MAP7: variants seen among roughly 807,000 people sequenced by gnomAD.
The protein encoded by MAP7 is microtubule associated protein 7.
A neutral mutation model predicts 94.8 loss-of-function variants in MAP7; 52 were observed. That is an observed-to-expected ratio of 0.55 (90% CI 0.44 to 0.69). MAP7 has a LOEUF of 0.69. MAP7 is among the 30% of genes least tolerant of loss of function. The pLI, the probability that MAP7 is intolerant of heterozygous loss-of-function variation, is 0.00. For synonymous variants in MAP7, 350 were observed against 357.0 expected, an observed-to-expected ratio of 0.98 and a Z score of 0.22; for missense variants, 940 against 964.6, an observed-to-expected ratio of 0.97 and a Z score of 0.34.
At chr6:136,470,260 T>C (rs1265241168) in intron 1 of MAP7, among the ~76,000 whole-genome samples, 1 of 152,024 alleles carries the variant, frequency 6.6e-6, no homozygotes, top group Non-Finnish European at 1.5e-5. Context: ...AACTCTGAAG[T>C]TGCAGCAAGA....
Position 136,359,970 on chromosome 6 carries a change from C to T in MAP7, c.1854+11G>A, listed in dbSNP as rs1173318080. The T allele has an allele frequency of 6.2e-7, 1 of 1,612,314 alleles. No homozygotes were observed. Among genetic ancestry groups the T allele is most frequent in the African/African-American group, 1.3e-5 (1 of 74,778 alleles). The stretch of plus-strand genomic sequence containing the variant: ...CATACAAAAGTAGTTAGAAAACGGC[C>T]ATGTCAATACCTTATCTGTAGCTTC... On this transcript the variant is annotated intron_variant, in intron 14 of 17. Coordinates refer to ENST00000354570, the MANE Select transcript of MAP7 (RefSeq NM_003980.6).
chr6:136,519,804 G>T (rs1825873741), intron 1 of MAP7, among the ~76,000 whole-genome samples: 1 of 152,160 alleles, frequency 6.6e-6, no homozygotes, highest in Non-Finnish European at 1.5e-5. Context: ...GGGACAGAAA[G>T]CATTATTAAC....
At chr6:136,421,371 C>A (rs1269840786) in intron 2 of MAP7, among the ~76,000 whole-genome samples, 1 of 152,160 alleles carries the variant, frequency 6.6e-6, no homozygotes, top group Non-Finnish European at 1.5e-5. Context: ...AAAATTATTA[C>A]CCCTTTAAGC....
chr6:136,533,961 C>G (rs1828683629), intron 1 of MAP7, among the ~76,000 whole-genome samples: 1 of 152,148 alleles, frequency 6.6e-6, no homozygotes, highest in Non-Finnish European at 1.5e-5. Context: ...CTCCTAAACC[C>G]CCCTGAAATT....
intron 1 of MAP7, among the ~76,000 whole-genome samples, chr6:136,540,208 G>C (rs891763437): frequency 6.6e-6 from 1 of 152,136 alleles, no homozygotes; most frequent in African/African-American, 2.4e-5. Context: ...CTGGTCACAC[G>C]GAAGGGAAAA....
chr6:136,494,966 G>A (rs549159722), intron 1 of MAP7, among the ~76,000 whole-genome samples: 12 of 152,180 alleles, frequency 7.9e-5, no homozygotes, highest in Non-Finnish European at 1.0e-4. Flanking sequence ...GAGAGACAGC[G>A]TGACACCTCA....
At chr6:136,387,510 G>C (rs147050112) in intron 5 of MAP7, among the ~76,000 whole-genome samples, 2,186 of 152,156 alleles carry the variant, frequency 0.014, 49 homozygotes, top group African/African-American at 0.05. Flanking sequence ...AGGGTATTAG[G>C]CATGCGTTGA....
chr6:136,397,881 T>C (rs1184497210), intron 3 of MAP7, among the ~76,000 whole-genome samples: 1 of 152,214 alleles, frequency 6.6e-6, no homozygotes, highest in East Asian at 1.9e-4. Flanking sequence ...AAGAACAGTA[T>C]GTCCAAAAAA....
At chr6:136,503,597 G>C (rs1820482602) in intron 1 of MAP7, among the ~76,000 whole-genome samples, 1 of 152,082 alleles carries the variant, frequency 6.6e-6, no homozygotes, top group South Asian at 2.1e-4. Context: ...AATTTCTCTT[G>C]CCTTCCCCTA....
chr6:136,542,013 C>T (rs540784816), intron 1 of MAP7, among the ~76,000 whole-genome samples: 14 of 152,100 alleles, frequency 9.2e-5, no homozygotes, highest in African/African-American at 1.4e-4. Flanking sequence ...GAGCCAAGTT[C>T]GTGCCACTGC....
intron 7 of MAP7, among the ~76,000 whole-genome samples, chr6:136,375,688 C>T (rs189023003): frequency 1.3e-5 from 2 of 152,156 alleles, no homozygotes; most frequent in South Asian, 2.1e-4. Flanking sequence ...TAAGCTGTAT[C>T]GATGAAACTG....
chr6:136,398,889 C>A (rs1783276659), intron 3 of MAP7, among the ~76,000 whole-genome samples: 1 of 152,142 alleles, frequency 6.6e-6, no homozygotes, highest in African/African-American at 2.4e-5. Context: ...TCCACATGCC[C>A]CTGTCATCAC....
At chr6:136,434,180 G>A (rs1395741308) in intron 1 of MAP7, among the ~76,000 whole-genome samples, 4 of 151,830 alleles carry the variant, frequency 2.6e-5, no homozygotes, top group African/African-American at 7.3e-5. Flanking sequence ...GGTGGTGGGC[G>A]CCTGTAAACC....
intron 1 of MAP7, among the ~76,000 whole-genome samples, chr6:136,454,526 G>A (rs1802237104): frequency 6.6e-6 from 1 of 152,052 alleles, no homozygotes; most frequent in East Asian, 2.0e-4. Context: ...TCAAACTCCT[G>A]GGCTCAAGCG....
rs549505191 is a variant in MAP7, at chr6:136,447,164, C to T, written c.68-25365G>A. Among the ~76,000 whole-genome samples, 492 of 152,300 alleles carry T rather than the reference C, an allele frequency of 3.2e-3. 3 individuals are homozygous for T. Among genetic ancestry groups the T allele is most frequent in the African/African-American group, 0.011 (471 of 41,546 alleles). On this transcript the variant is annotated intron_variant, in intron 1 of 17. Transcript: ENST00000354570. ...TCTAAGAAACACAAAACTCATCACCCCCCCGAAATTTGTTGTGTCTCTTGC... is the reference window on the plus strand; with the variant it reads ...TCTAAGAAACACAAAACTCATCACCTCCCCGAAATTTGTTGTGTCTCTTGC...
chr6:136,429,697 T>C (rs988585348), intron 1 of MAP7, among the ~76,000 whole-genome samples: 2 of 152,226 alleles, frequency 1.3e-5, no homozygotes, highest in African/African-American at 2.4e-5. Context: ...TCACAAATGC[T>C]TTCTGACACA....
chr6:136,345,640 G>C lies in MAP7; in HGVS notation c.2239+216C>G, dbSNP rs79429294. On this transcript the variant is annotated intron_variant, in intron 17 of 17. Transcript: ENST00000354570. ...ACTGGGTGCTGCGGACTGGACTTCT[G>C]CACTGACTGAGAGAATAGGAGAGGC... is the stretch of plus-strand genomic sequence containing the variant. Among the ~76,000 whole-genome samples the C allele has an allele frequency of 4.1e-3, 622 of 152,306 alleles. 7 individuals carry two copies. Among genetic ancestry groups the C allele is most frequent in the African/African-American group, 0.014 (591 of 41,568 alleles).
At chr6:136,375,029 G>A (rs1456350982) in intron 7 of MAP7, among the ~76,000 whole-genome samples, 1 of 151,912 alleles carries the variant, frequency 6.6e-6, no homozygotes, top group Non-Finnish European at 1.5e-5. Flanking sequence ...CACAATATAT[G>A]TATTTGATCC....
At chr6:136,472,096 A>G (rs570937002) in intron 1 of MAP7, among the ~76,000 whole-genome samples, 1 of 152,234 alleles carries the variant, frequency 6.6e-6, no homozygotes, top group African/African-American at 2.4e-5. Context: ...GATTCTTTCA[A>G]TGGAAATAAT....
Sources: allele counts gnomAD v4.1 joint callset (sites outside exome capture counted in the v4.1 genomes callset), GRCh38; gene constraint gnomAD v4.1.1; transcripts MANE v1.5; gene names NCBI Gene and HGNC (gene_info 2026-07-23, HGNC 2026-07-21).